Variants in ABCC11 observed in about 807,000 individuals in gnomAD.
The protein encoded by ABCC11 is ATP-binding cassette sub-family C member 11.
Under a neutral mutation model 149.3 loss-of-function variants are expected in ABCC11, and 135 were observed. The observed-to-expected ratio is 0.90, with a 90% CI of 0.79 to 1.04. ABCC11 has a LOEUF of 1.04. ABCC11 is among the 50% of genes least tolerant of loss of function. The pLI is 0.00. For missense variants in ABCC11, 1,680 were observed against 1,722.1 expected (o/e 0.98, Z 0.43); for synonymous variants, 665 against 671.4 (o/e 0.99, Z 0.15).
At position 48,247,440 on chromosome 16, in the gene ABCC11, G is replaced by C. The variant is rs1302156874; in HGVS notation, c.-145C>G. Reference sequence around the variant, plus strand: ...GCAGCAGAAGTAATTTGCTCCCAGCGTTCTTTGCCACACAGAGTGGCAGGA... The same window carrying C: ...GCAGCAGAAGTAATTTGCTCCCAGCCTTCTTTGCCACACAGAGTGGCAGGA... On this transcript the variant is annotated 5_prime_UTR_variant, in exon 1 of 30. Coordinates refer to ENST00000356608, the MANE Select transcript of ABCC11 (RefSeq NM_001370497.1). 2.0e-5 allele frequency: 3 copies of C among 152,518 alleles called. No homozygotes were observed. The highest frequency in any genetic ancestry group is 7.2e-5 in the African/African-American group (3 of 41,492). The allele number at this position is 152,518 out of a possible 1,614,324, so 9.4% of individuals were successfully genotyped here. A position where few individuals can be genotyped will look rare whatever the true frequency, so the allele number is the denominator to read the frequency against.
Position 48,226,335 on chromosome 16 carries a change from C to G in ABCC11, c.395+1471G>C, listed in dbSNP as rs186976313. Among the ~76,000 whole-genome samples the G allele has an allele frequency of 5.8e-3, 819 of 140,564 alleles. 5 individuals are homozygous for G. Among genetic ancestry groups the G allele is most frequent in the African/African-American group, 0.021 (772 of 37,196 alleles). The allele number at this position is 140,564 out of a possible 152,430, so 92.2% of individuals were successfully genotyped here. A position where few individuals can be genotyped will look rare whatever the true frequency, so the allele number is the denominator to read the frequency against. ...TGTTGCCCAGGCTGGAGTGCAGTGG[C>G]GCAATCTCGGCTTACTATAAGCTCT... On this transcript the variant is annotated intron_variant, in intron 4 of 29. Coordinates refer to ENST00000356608, the MANE Select transcript of ABCC11 (RefSeq NM_001370497.1).
At chr16:48,242,412 A>T (rs1214019187) in intron 1 of ABCC11, among the ~76,000 whole-genome samples, 1 of 152,154 alleles carries the variant, frequency 6.6e-6, no homozygotes, top group African/African-American at 2.4e-5. Context: ...GCTGGAGAGG[A>T]TGTGGAGAAA....
chr16:48,176,586 A>T (rs1433358790), intron 25 of ABCC11, among the ~76,000 whole-genome samples: 1 of 152,162 alleles, frequency 6.6e-6, no homozygotes, highest in East Asian at 1.9e-4. Context: ...TATACCCCTC[A>T]GCTTAAGCAC....
At chr16:48,235,405 T>C (rs749988058) in intron 1 of ABCC11, among the ~76,000 whole-genome samples, 1 of 152,262 alleles carries the variant, frequency 6.6e-6, no homozygotes, top group Non-Finnish European at 1.5e-5. Context: ...ATAGTGTGAC[T>C]CTTTCCTATT....
rs1567286335 is a variant in ABCC11 at position 48,227,950 on chromosome 16, TG to T, written c.250del (p.Gln84SerfsTer21). 2 of 1,612,302 alleles carry T rather than the reference TG, an allele frequency of 1.2e-6. No homozygotes were observed. Among genetic ancestry groups the T allele is most frequent in the Non-Finnish European group, 1.7e-6 (2 of 1,179,132 alleles). On this transcript the variant is annotated frameshift_variant, in exon 4 of 30. Transcript: ENST00000356608. LOFTEE classifies it high-confidence loss of function. ...FRPKPRFPAP[Q>X]PLDNAGLFSY... Reference sequence around the variant, plus strand: ...GAACAGGCCAGCATTGTCCAGGGGCTGGGGGGCAGGAAACCTAGTAGAGGGG... The same window carrying T: ...GAACAGGCCAGCATTGTCCAGGGGCTGGGGGCAGGAAACCTAGTAGAGGGG...
At chr16:48,232,838 A>G (rs1970496412) in intron 1 of ABCC11, among the ~76,000 whole-genome samples, 2 of 152,122 alleles carry the variant, frequency 1.3e-5, no homozygotes, top group African/African-American at 2.4e-5. Context: ...TTTCATTTTC[A>G]TTTTCATTTT....
In ABCC11 at chr16:48,167,230, C is replaced by A. The variant is rs150729683; in HGVS notation, c.*44G>T. 7.7e-6 allele frequency: 6 copies of A among 779,144 alleles called. No homozygotes were observed. The African/African-American group carries it at 8.5e-5, about 11-fold the overall frequency. 48.3% of individuals were successfully genotyped at this position (779,144 alleles called of 1,614,324 possible). The stretch of plus-strand genomic sequence containing the variant: ...GGCCTCGAAGCTGCACCTGTGTGAA[C>A]CTCTGAGCTCAGCTGCCAGCCTCCA... On this transcript the variant is annotated 3_prime_UTR_variant, in exon 30 of 30. Transcript: ENST00000356608.
In ABCC11 at chr16:48,198,024, A is replaced by G. The variant is rs991848369; in HGVS notation, c.2261T>C (p.Val754Ala). ...DTAKIAEKPK[V>A]ESQALATSLE... is the part of the protein sequence containing the mutation. ...GGAGGTGGCCAGAGCCTGACTTTCT[A>G]CCTTTGGCTTCTCTGCTATCTTTGC... The change falls in exon 17 of 30, where the codon GTA becomes GCA. Residue 754 changes from valine (V) to alanine (A), a missense_variant. Coordinates refer to ENST00000356608, the MANE Select transcript of ABCC11 (RefSeq NM_001370497.1). 4 of 1,613,916 alleles carry G rather than the reference A, an allele frequency of 2.5e-6. No individual in the cohort carries two copies. The Admixed American group carries it at 5.0e-5, about 20-fold the overall frequency.
chr16:48,211,407 G>A (rs17744237), intron 10 of ABCC11, among the ~76,000 whole-genome samples: 1,991 of 152,176 alleles, frequency 0.013, 20 homozygotes, highest in Non-Finnish European at 0.021. Context: ...TCAGACCACC[G>A]GGCCACTCTT....
At position 48,215,006 on chromosome 16, in the gene ABCC11, G is replaced by A. The variant is rs2150873476; in HGVS notation, c.1123C>T (p.Leu375=). The A allele has an allele frequency of 6.2e-7, 1 of 1,613,972 alleles. No homozygotes were observed. The highest frequency in any genetic ancestry group is 1.1e-5 in the South Asian group (1 of 91,062). The stretch of plus-strand genomic sequence containing the variant: ...TGGACAAGCCCGCACTTCTCCAATA[G>A]TTTCCTTTCCTTCCTTCTTAGGTCT... ...IEDLRRKERK[L]LEKCGLVQSL... Residue 375 remains leucine, a synonymous_variant, in exon 9 of 30, where the codon CTA becomes TTA. Transcript: ENST00000356608.
At chr16:48,174,944 C>CT (rs1965949704) in intron 26 of ABCC11, among the ~76,000 whole-genome samples, 1 of 152,230 alleles carries the variant, frequency 6.6e-6, no homozygotes, top group South Asian at 2.1e-4. Context: ...TCAAGTGATC[C>CT]TCCTGCCTCA....
intron 1 of ABCC11, chr16:48,244,512 G>C: frequency 6.3e-7 from 1 of 1,590,680 alleles, no homozygotes; most frequent in Non-Finnish European, 8.5e-7. Flanking sequence ...CCTGCAGCTG[G>C]TGCGGAGCCG....
In ABCC11 at chr16:48,224,388, A is replaced by G. The variant is rs564022494; in HGVS notation, c.437T>C (p.Ile146Thr). Residue 146 changes from isoleucine to threonine, a missense_variant, in exon 5 of 30, where the codon ATT becomes ACT. Physicochemically the swap from Ile to Thr is moderately conservative, Grantham distance 89. Transcript: ENST00000356608. ...LWEEEVSRRG[I>T]EKASVLLVML... ...CACCAGAAGCACTGAAGCTTTTTCA[A>G]TCCCTCGCCTTGAGACTTCTTCTTC... The G allele has an allele frequency of 6.0e-5, 97 of 1,614,136 alleles. No individual in the cohort carries two copies. Among genetic ancestry groups the G allele is most frequent in the Middle Eastern group, 4.9e-4 (3 of 6,062 alleles).
intron 5 of ABCC11, among the ~76,000 whole-genome samples, chr16:48,223,877 C>G (rs1404475120): frequency 2.0e-5 from 3 of 152,178 alleles, no homozygotes; most frequent in African/African-American, 7.2e-5. Flanking sequence ...CTGAGCCAGG[C>G]CATGTTCTAA....
Position 48,198,295 on chromosome 16 carries a change from A to C in ABCC11, c.2083-20T>G. ...TAAGTACTGGACAGTCAAAAGAAAG[A>C]AAGGCTTCAGTAAGCACATGGAAAG... is the stretch of plus-strand genomic sequence containing the variant. On this transcript the variant is annotated intron_variant, in intron 15 of 29. Coordinates refer to ENST00000356608, the MANE Select transcript of ABCC11 (RefSeq NM_001370497.1). 6.2e-7 allele frequency: 1 copy of C among 1,612,528 alleles called. No homozygotes were observed. Among genetic ancestry groups the C allele is most frequent in the East Asian group, 2.2e-5 (1 of 44,866 alleles).
At position 48,210,983 on chromosome 16, in the gene ABCC11, G is replaced by A. The variant is rs1387831563; in HGVS notation, c.1573C>T (p.Pro525Ser). The A allele has an allele frequency of 6.2e-7, 1 of 1,614,128 alleles. No individual in the cohort carries two copies. The highest frequency in any genetic ancestry group is 1.1e-5 in the South Asian group (1 of 91,068). The change falls in exon 11 of 30, where the codon CCA (proline) becomes TCA (serine). Residue 525 changes from proline to serine, a missense_variant. Transcript: ENST00000356608. Reference protein sequence around the residue: ...GPEEEGNSLGPELHKINLVVS... With the variant: ...GPEEEGNSLGSELHKINLVVS... ...ACCAGGTTGATCTTGTGCAACTCTG[G>A]GCCCAGGCTGTTCCCTTCTTCCTCT...
intron 12 of ABCC11, among the ~76,000 whole-genome samples, chr16:48,207,913 C>G (rs1968581811): frequency 6.6e-6 from 1 of 152,092 alleles, no homozygotes; most frequent in South Asian, 2.1e-4. Context: ...GGGCTCCTCT[C>G]CCCAGCCTTC....
At position 48,200,349 on chromosome 16, in the gene ABCC11, T is replaced by G. The variant is rs757808061; in HGVS notation, c.2009A>C (p.Lys670Thr). The G allele has an allele frequency of 3.1e-6, 5 of 1,614,242 alleles. No individual in the cohort carries two copies. The highest frequency in any genetic ancestry group is 1.6e-4 in the Middle Eastern group (1 of 6,062). The change falls in exon 15 of 30, where the codon AAG (lysine) becomes ACG (threonine). Residue 670 changes from lysine (K) to threonine (T), a missense_variant. By Grantham distance (78) the Lys-to-Thr change is moderately conservative. Transcript: ENST00000356608. ...PLSAVDAHVGKHIFEECIKKT... is the reference protein window; with the variant it reads ...PLSAVDAHVGTHIFEECIKKT... ...CTTAATGCACTCCTCAAAAATGTGC[T>G]TCCCCACGTGGGCGTCCACAGCAGA...
chr16:48,179,680 C>T (rs1214106950), intron 23 of ABCC11, among the ~76,000 whole-genome samples: 1 of 152,198 alleles, frequency 6.6e-6, no homozygotes, highest in Non-Finnish European at 1.5e-5. Context: ...GGGGCGCACT[C>T]CACAATGGAG....
Sources: gnomAD v4.1 joint callset for allele counts (sites outside exome capture counted in the v4.1 genomes callset) on GRCh38, gnomAD v4.1.1 for gene constraint, MANE v1.5 for transcripts, NCBI Gene and HGNC (gene_info 2026-07-23, HGNC 2026-07-21) for gene names.